FRMPD4: variants seen among roughly 807,000 people sequenced by gnomAD.
The protein encoded by FRMPD4 is FERM and PDZ domain containing 4.
In FRMPD4, 22 loss-of-function variants were observed where a neutral mutation model predicts 94.1. That is an observed-to-expected ratio of 0.23 (90% CI 0.17 to 0.33). The LOEUF (loss-of-function observed/expected upper bound fraction) is 0.33. FRMPD4 is among the 10% of genes least tolerant of loss of function. The pLI is 1.00. For synonymous variants in FRMPD4, 631 were observed against 548.6 expected (o/e 1.15, Z -2.10); for missense variants, 1,111 against 1,339.9 (o/e 0.83, Z 2.67).
chrX:12,534,066 C>T (rs897004520), intron 2 of FRMPD4, among the ~76,000 whole-genome samples: 4 of 112,785 alleles, frequency 3.5e-5, no homozygotes, highest in East Asian at 2.8e-4. Flanking sequence ...CCAGGGTTCC[C>T]GTGCTGTGTG....
intron 4 of FRMPD4, among the ~76,000 whole-genome samples, chrX:12,618,433 A>C (rs1187918865): frequency 9.0e-6 from 1 of 111,707 alleles, no homozygotes; most frequent in African/African-American, 3.3e-5. Flanking sequence ...TTATGACTGG[A>C]CAATGCTGTT....
chrX:12,249,092 A>T (rs1038499783), intron 1 of FRMPD4, among the ~76,000 whole-genome samples: 1 of 113,063 alleles, frequency 8.8e-6, no homozygotes, highest in East Asian at 2.8e-4. Flanking sequence ...CAGGACTTTT[A>T]AGCGTACAAG....
At chrX:12,476,000 T>C (rs1251474643) in intron 1 of FRMPD4, among the ~76,000 whole-genome samples, 42 of 111,593 alleles carry the variant, frequency 3.8e-4, no homozygotes, top group African/African-American at 1.3e-3. Context: ...GAGCCCGCAT[T>C]GCCAAGTCAA....
upstream of FRMPD4, among the ~76,000 whole-genome samples, chrX:12,137,313 T>TA (rs768443458): frequency 5.0e-4 from 56 of 112,326 alleles, no homozygotes; most frequent in Admixed American, 3.1e-3. Flanking sequence ...AATAAATGCT[T>TA]AAAAAAAACG....
chrX:12,507,107 T>C (rs1393400876), intron 2 of FRMPD4, among the ~76,000 whole-genome samples: 1 of 112,444 alleles, frequency 8.9e-6, no homozygotes, highest in Non-Finnish European at 1.9e-5. Context: ...TAAAAAAGCA[T>C]TTCTCACATG....
At chrX:12,070,409 G>A (rs1039543842) in intron 3 of FRMPD4, among the ~76,000 whole-genome samples, 28 of 111,845 alleles carry the variant, frequency 2.5e-4, no homozygotes, top group Non-Finnish European at 4.7e-4. Context: ...GGAACAAGAC[G>A]ACAGAATATT....
rs2059448660 is a variant in FRMPD4 at position 12,636,961 on chromosome X, G to C, written c.422+22080G>C. 1.8e-5 allele frequency among the ~76,000 whole-genome samples: 2 copies of C among 111,855 alleles called. 1 individual carries two copies. The highest frequency in any genetic ancestry group is 7.5e-4 in the South Asian group (2 of 2,665). ...TGCTCAAGGCTTAACTTGTATGTTT[G>C]TTGCTCCAAATCTGGGATGAGTAAT... On this transcript the variant is annotated intron_variant, in intron 4 of 16. Coordinates refer to ENST00000675598, the MANE Select transcript of FRMPD4 (RefSeq NM_001368397.1).
intron 3 of FRMPD4, among the ~76,000 whole-genome samples, chrX:12,015,783 G>A (rs1426664949): frequency 9.0e-6 from 1 of 111,718 alleles, no homozygotes; most frequent in African/African-American, 3.3e-5. Context: ...CCTACTTTGG[G>A]CACAGTCACA....
At chrX:12,272,751 A>T (rs1467876985) in intron 1 of FRMPD4, among the ~76,000 whole-genome samples, 1 of 111,635 alleles carries the variant, frequency 9.0e-6, no homozygotes, top group African/African-American at 3.3e-5. Context: ...AATATATATA[A>T]AATTCTTGCA....
At chrX:12,182,706 G>A (rs771097028) in intron 1 of FRMPD4, among the ~76,000 whole-genome samples, 1 of 110,853 alleles carries the variant, frequency 9.0e-6, no homozygotes, top group Non-Finnish European at 1.9e-5. Flanking sequence ...GGAAAGGTGA[G>A]GAGAACTAGG....
At chrX:11,922,484 A>G (rs6639102) in intron 3 of FRMPD4, among the ~76,000 whole-genome samples, 7,572 of 111,573 alleles carry the variant, frequency 0.068, 219 homozygotes, top group East Asian at 0.14. Flanking sequence ...ACAATTCAAC[A>G]TGAGATTTGG....
chrX:12,600,176 G>A (rs989916649), intron 2 of FRMPD4, among the ~76,000 whole-genome samples: 6 of 109,675 alleles, frequency 5.5e-5, no homozygotes, highest in Admixed American at 2.0e-4. Flanking sequence ...AGAGGCAAAC[G>A]GACAAAGTAT....
intron 1 of FRMPD4, among the ~76,000 whole-genome samples, chrX:12,318,895 A>T (rs977416142): frequency 1.1e-4 from 12 of 110,833 alleles, no homozygotes; most frequent in African/African-American, 4.0e-4. Flanking sequence ...AAGAAAAAAT[A>T]ATTAAAAAAA....
At chrX:12,559,657 A>AAAAC (rs1555984297) in intron 2 of FRMPD4, among the ~76,000 whole-genome samples, 2 of 109,675 alleles carry the variant, frequency 1.8e-5, no homozygotes, top group African/African-American at 6.6e-5. Flanking sequence ...CTCAAGGAAA[A>AAAAC]AAAAAAACAA....
Position 12,428,055 on chromosome X carries a change from G to A in FRMPD4, c.42-70625G>A, listed in dbSNP as rs200300412. Among the ~76,000 whole-genome samples the A allele has an allele frequency of 3.6e-4, 39 of 108,354 alleles. No homozygotes were observed. The East Asian group carries it at 9.5e-3, about 26-fold the overall frequency. 94.1% of individuals were successfully genotyped at this position (108,354 alleles called of 115,157 possible). Reference sequence around the variant, plus strand: ...CTCCCCAGTAGCTGGGACTACAGGCGCCCGCCACCATGCCCAGCTAATTTT... The same window carrying A: ...CTCCCCAGTAGCTGGGACTACAGGCACCCGCCACCATGCCCAGCTAATTTT... On this transcript the variant is annotated intron_variant, in intron 1 of 16. Transcript: ENST00000675598.
upstream of FRMPD4, among the ~76,000 whole-genome samples, chrX:12,137,575 A>G (rs1385328795): frequency 9.0e-6 from 1 of 111,561 alleles, no homozygotes; most frequent in Admixed American, 9.5e-5. Context: ...CTGGGGGGAA[A>G]TTTTAAAGGA....
Position 12,138,665 on chromosome X carries a change from G to A in FRMPD4, c.-307G>A. 3.4e-6 allele frequency: 1 copy of A among 298,384 alleles called. No individual in the cohort carries two copies. 24.6% of individuals were successfully genotyped at this position (298,384 alleles called of 1,213,427 possible). A position where few individuals can be genotyped will look rare whatever the true frequency, so the allele number is the denominator to read the frequency against. On this transcript the variant is annotated 5_prime_UTR_variant, in exon 1 of 17. Coordinates refer to ENST00000675598, the MANE Select transcript of FRMPD4 (RefSeq NM_001368397.1). ...GGCTAGAGCGCACGGGGCGGGGCGC[G>A]AGACCCGGGCCGCGCTCCCCGCCCC... is the stretch of plus-strand genomic sequence containing the variant.
chrX:12,478,099 C>T (rs994812803), intron 1 of FRMPD4, among the ~76,000 whole-genome samples: 2 of 112,275 alleles, frequency 1.8e-5, no homozygotes, highest in East Asian at 5.6e-4. Flanking sequence ...ATGCTGGCAA[C>T]ACCATCATGC....
intron 3 of FRMPD4, among the ~76,000 whole-genome samples, chrX:11,996,660 A>G (rs1000781126): frequency 1.8e-5 from 2 of 112,349 alleles, no homozygotes; most frequent in African/African-American, 6.5e-5. Flanking sequence ...TTTTCAGTCA[A>G]TATGAATCAC....
Sources: gnomAD v4.1 joint callset for allele counts (sites outside exome capture counted in the v4.1 genomes callset) on GRCh38, gnomAD v4.1.1 for gene constraint, MANE v1.5 for transcripts, NCBI Gene and HGNC (gene_info 2026-07-23, HGNC 2026-07-21) for gene names.